The following ADH5 variants were observed in gnomAD, a reference collection of about 807,000 sequenced individuals.
ADH5 encodes alcohol dehydrogenase 5 (class III), chi polypeptide.
ADH5 carries 32 observed loss-of-function variants against 40.3 expected under a neutral mutation model. That is an observed-to-expected ratio of 0.79 (90% CI 0.60 to 1.07). ADH5 has a LOEUF of 1.07. Ranked by LOEUF, ADH5 falls within the 50% of genes least tolerant of loss-of-function variation. The pLI is 0.00. For missense variants in ADH5, 353 were observed against 460.5 expected, an observed-to-expected ratio of 0.77 and a Z score of 2.14; for synonymous variants, 125 against 154.3, an observed-to-expected ratio of 0.81 and a Z score of 1.41.
In ADH5 at chr4:99,085,172, A is replaced by G; in HGVS notation, c.57T>C (p.Pro19=). The change falls in exon 2 of 9, where the codon CCT becomes CCC. Residue 19 remains proline, a synonymous_variant. Coordinates refer to ENST00000296412, the MANE Select transcript of ADH5 (RefSeq NM_000671.4). ...KAAVAWEAGK[P]LSIEEIEVAP... is the part of the protein sequence containing the mutation. The stretch of plus-strand genomic sequence containing the variant: ...CCACCTCTATCTCCTCTATGGAGAG[A>G]GGCTTTCCAGCCTCCCAAGCAACTG... The G allele has an allele frequency of 6.4e-7, 1 of 1,550,548 alleles. No individual in the cohort carries two copies. Among genetic ancestry groups the G allele is most frequent in the Non-Finnish European group, 8.7e-7 (1 of 1,147,192 alleles).
Position 99,072,700 on chromosome 4 carries a change from C to T in ADH5, c.973G>A (p.Val325Ile). ...KGTAFGGWKS[V>I]ESVPKLVSEY... ...GACACCAACTTTGGGACACTTTCTA[C>T]ACTCTTCCATCCTAAAAGAAATCAC... Residue 325 changes from valine to isoleucine, a missense_variant, in exon 8 of 9, where the codon GTA becomes ATA. Coordinates refer to ENST00000296412, the MANE Select transcript of ADH5 (RefSeq NM_000671.4). The T allele has an allele frequency of 1.9e-6, 3 of 1,610,424 alleles. No homozygotes were observed. Among genetic ancestry groups the T allele is most frequent in the Non-Finnish European group, 2.5e-6 (3 of 1,178,868 alleles).
intron 1 of ADH5, among the ~76,000 whole-genome samples, chr4:99,088,371 G>A (rs189260325): frequency 6.6e-6 from 1 of 152,238 alleles, no homozygotes; most frequent in African/African-American, 2.4e-5. Context: ...GAAGCAATGC[G>A]TGGCCGCTCC....
At chr4:99,072,515 C>T in intron 8 of ADH5, 58 bp downstream of exon 8, 1 of 1,608,418 alleles carries the variant, frequency 6.2e-7, no homozygotes, top group Non-Finnish European at 8.5e-7. Flanking sequence ...TTCGACTCTC[C>T]ATCCCCTCAA....
chr4:99,078,723 A>G (rs758965480), intron 4 of ADH5, among the ~76,000 whole-genome samples: 2 of 152,216 alleles, frequency 1.3e-5, no homozygotes, highest in Non-Finnish European at 2.9e-5. Flanking sequence ...CTATATCTTA[A>G]TGAGAACAAT....
At chr4:99,086,045 C>T (rs1451827333) in intron 1 of ADH5, among the ~76,000 whole-genome samples, 1 of 151,844 alleles carries the variant, frequency 6.6e-6, no homozygotes, top group Non-Finnish European at 1.5e-5. Context: ...TCAAAACAAA[C>T]AAACAAACAA....
rs1212689930 is a variant in ADH5 at position 99,081,987 on chromosome 4, TAG to T, written c.242_243del (p.Thr81LysfsTer6). ...GTATTCTCCTTACCCGCCTTCAGCT[TAG>T]TAACTCCCTCACCAACACTTTCCAC... ...GIVESVGEGVTKLKAGDTVIP... is the reference protein window; with the variant it reads ...GIVESVGEGVXKLKAGDTVIP... On this transcript the variant is annotated frameshift_variant, in exon 3 of 9. Transcript: ENST00000296412. LOFTEE classifies it high-confidence loss of function. 1.9e-6 allele frequency: 3 copies of T among 1,613,622 alleles called. No homozygotes were observed. In the African/African-American group the frequency reaches 4.0e-5, roughly 22 times the overall value.
At chr4:99,076,253 CA>C in intron 6 of ADH5, 38 bp downstream of exon 6, 3 of 1,586,980 alleles carry the variant, frequency 1.9e-6, no homozygotes, top group Non-Finnish European at 2.6e-6. Context: ...TCAAAAAAAG[CA>C]GTTCCATAAA....
rs1476376588 is a variant in ADH5 at position 99,071,323 on chromosome 4, T to TG, written c.*1093dup. Reference sequence around the variant, plus strand: ...ATTTGGCAATGTCTATAAGGCTAAATGTGTTTATTCTGTGATACGTCTTAG... The same window carrying TG: ...ATTTGGCAATGTCTATAAGGCTAAATGGTGTTTATTCTGTGATACGTCTTAG... On this transcript the variant is annotated 3_prime_UTR_variant, in exon 9 of 9. Coordinates refer to ENST00000296412, the MANE Select transcript of ADH5 (RefSeq NM_000671.4). The TG allele has an allele frequency of 6.6e-6, 1 of 152,360 alleles. No homozygotes were observed. Among genetic ancestry groups the TG allele is most frequent in the Non-Finnish European group, 1.5e-5 (1 of 68,044 alleles). 9.4% of individuals were successfully genotyped at this position (152,360 alleles called of 1,614,324 possible).
intron 3 of ADH5, 35 bp downstream of exon 3, chr4:99,081,924 CATAGGAATAAGCCAAA>C: frequency 6.3e-7 from 1 of 1,598,752 alleles, no homozygotes; most frequent in East Asian, 2.2e-5. Context: ...ACAATTTCCC[CATAGGAATAAGCCAAA>C]ATTATTAAAC....
At chr4:99,083,542 G>A (rs2110463419) in intron 2 of ADH5, among the ~76,000 whole-genome samples, 1 of 141,010 alleles carries the variant, frequency 7.1e-6, no homozygotes, top group Middle Eastern at 4.5e-3. Flanking sequence ...AGGGGTTGCA[G>A]CGAGCCGAGA....
At position 99,088,615 on chromosome 4, in the gene ADH5, C is replaced by G. The variant is rs546179774; in HGVS notation, c.12+74G>C. On this transcript the variant is annotated intron_variant, in intron 1 of 8. Transcript: ENST00000296412. ...TTGGGCGCCGAGCCTCGCGCGCCCC[C>G]GAGGATAGCAGCCTAGTCCCATGCC... 10 of 1,437,950 alleles carry G rather than the reference C, an allele frequency of 7.0e-6. No individual in the cohort carries two copies. The African/African-American group carries it at 1.0e-4, about 15-fold the overall frequency. The allele number at this position is 1,437,950 out of a possible 1,614,324, so 89.1% of individuals were successfully genotyped here. A position where few individuals can be genotyped will look rare whatever the true frequency, so the allele number is the denominator to read the frequency against.
intron 1 of ADH5, among the ~76,000 whole-genome samples, chr4:99,086,434 A>G (rs1728133804): frequency 6.6e-6 from 1 of 152,192 alleles, no homozygotes; most frequent in Non-Finnish European, 1.5e-5. Flanking sequence ...GGTTTACAGG[A>G]GACAGACTTT....
rs115645759 is a variant in ADH5 at position 99,079,543 on chromosome 4, G to A, written c.344+1822C>T. 4.2e-3 allele frequency among the ~76,000 whole-genome samples: 632 copies of A among 151,982 alleles called. 3 individuals carry two copies. Among genetic ancestry groups the A allele is most frequent in the African/African-American group, 0.014 (576 of 41,446 alleles). ...GGTTCTCTATCTTGATCTGGGTGACGTTCAAATCAACAGGTGTTTATATAC... is the reference window on the plus strand; with the variant it reads ...GGTTCTCTATCTTGATCTGGGTGACATTCAAATCAACAGGTGTTTATATAC... On this transcript the variant is annotated intron_variant, in intron 4 of 8. Coordinates refer to ENST00000296412, the MANE Select transcript of ADH5 (RefSeq NM_000671.4).
chr4:99,077,276 A>G (rs549586013), intron 4 of ADH5, among the ~76,000 whole-genome samples: 2 of 152,282 alleles, frequency 1.3e-5, no homozygotes, highest in East Asian at 3.9e-4. Context: ...TAATCCCAGT[A>G]CTTTGGAAAG....
intron 4 of ADH5, among the ~76,000 whole-genome samples, chr4:99,078,259 ATACTCT>A (rs1180271621): frequency 6.6e-6 from 1 of 152,142 alleles, no homozygotes; most frequent in Non-Finnish European, 1.5e-5. Flanking sequence ...AATTTGATGT[ATACTCT>A]TAAACTCTTT....
chr4:99,080,801 C>G (rs1728014184), intron 4 of ADH5: 1 of 158,556 alleles, frequency 6.3e-6, no homozygotes, highest in Non-Finnish European at 1.4e-5. Context: ...ACTACATAAA[C>G]TGCCACACAA....
chr4:99,084,987 A>G (rs1361765956), intron 2 of ADH5, 128 bp downstream of exon 2: 1 of 424,234 alleles, frequency 2.4e-6, no homozygotes, highest in East Asian at 3.5e-5. Flanking sequence ...GTAAGGCTGG[A>G]TGACTTTCAA....
intron 6 of ADH5, 104 bp downstream of exon 6, chr4:99,076,188 A>T (rs1219392131): frequency 8.1e-7 from 1 of 1,227,094 alleles, no homozygotes; most frequent in Admixed American, 2.5e-5. Flanking sequence ...AAAAATTCTT[A>T]TTAAGAGACT....
At chr4:99,079,497 G>A (rs930946237) in intron 4 of ADH5, among the ~76,000 whole-genome samples, 60 of 152,168 alleles carry the variant, frequency 3.9e-4, no homozygotes, top group African/African-American at 1.3e-3. Context: ...GGACATGAGG[G>A]AGCTTATCGG....
Sources: allele counts gnomAD v4.1 joint callset (sites outside exome capture counted in the v4.1 genomes callset), GRCh38; gene constraint gnomAD v4.1.1; transcripts MANE v1.5; gene names NCBI Gene and HGNC (gene_info 2026-07-23, HGNC 2026-07-21).